ADGRL2: variants seen among roughly 807,000 people sequenced by gnomAD.
ADGRL2 encodes the protein calcium-independent alpha-latrotoxin receptor 2.
In ADGRL2, 44 loss-of-function variants were observed where a neutral mutation model predicts 157.4. The observed-to-expected ratio is 0.28, with a 90% CI of 0.22 to 0.36. The LOEUF (loss-of-function observed/expected upper bound fraction) is 0.36, where lower values mean the gene tolerates loss of function less well. Among genes scored for constraint, ADGRL2 ranks in the 10% least tolerant of loss-of-function variants. The pLI, the probability that ADGRL2 is intolerant of heterozygous loss-of-function variation, is 1.00. For missense variants in ADGRL2, 1,510 were observed against 1,768.9 expected (o/e 0.85, Z 2.63); for synonymous variants, 585 against 624.7 (o/e 0.94, Z 0.95).
intron 2 of ADGRL2, among the ~76,000 whole-genome samples, chr1:81,521,734 G>A (rs543633495): frequency 2.0e-5 from 3 of 152,274 alleles, no homozygotes; most frequent in African/African-American, 7.2e-5. Context: ...CCACACTTTA[G>A]TTAGGTGATT....
intron 1 of ADGRL2, among the ~76,000 whole-genome samples, chr1:81,330,197 A>G (rs1333492385): frequency 6.6e-6 from 1 of 152,130 alleles, no homozygotes; most frequent in African/African-American, 2.4e-5. Context: ...GATGACCAAA[A>G]GTACCTGAAA....
chr1:81,403,186 A>G (rs1047262207), intron 1 of ADGRL2, among the ~76,000 whole-genome samples: 2 of 152,154 alleles, frequency 1.3e-5, no homozygotes, highest in Non-Finnish European at 2.9e-5. Flanking sequence ...TAACAATAAA[A>G]AGAAAAAGGG....
At chr1:81,919,496 C>A (rs1044041514) in intron 3 of ADGRL2, among the ~76,000 whole-genome samples, 4 of 151,780 alleles carry the variant, frequency 2.6e-5, no homozygotes, top group African/African-American at 9.7e-5. Flanking sequence ...GTTACTTTTC[C>A]TTAGTAATGG....
At chr1:81,333,047 G>C (rs960085594) in intron 1 of ADGRL2, among the ~76,000 whole-genome samples, 1 of 152,074 alleles carries the variant, frequency 6.6e-6, no homozygotes, top group African/African-American at 2.4e-5. Context: ...TATAACTTTG[G>C]GCAAATCATG....
At chr1:81,517,491 G>GAATA (rs1383583561) in intron 2 of ADGRL2, among the ~76,000 whole-genome samples, 3 of 141,894 alleles carry the variant, frequency 2.1e-5, no homozygotes, top group East Asian at 2.1e-4. Flanking sequence ...AAAAAAAAAG[G>GAATA]ATGTCAAAAC....
At chr1:81,382,326 T>C (rs2076357678) in intron 1 of ADGRL2, among the ~76,000 whole-genome samples, 1 of 152,138 alleles carries the variant, frequency 6.6e-6, no homozygotes, top group Non-Finnish European at 1.5e-5. Context: ...TTTTTCAGTA[T>C]TCCATTATTA....
intron 11 of ADGRL2, among the ~76,000 whole-genome samples, chr1:81,961,653 A>G (rs985848200): frequency 2.0e-5 from 3 of 151,614 alleles, no homozygotes; most frequent in Non-Finnish European, 4.4e-5. Context: ...GACTACAGGC[A>G]TGCATCACTA....
intron 2 of ADGRL2, among the ~76,000 whole-genome samples, chr1:81,573,962 A>G (rs1275135381): frequency 6.6e-6 from 1 of 152,198 alleles, no homozygotes; most frequent in East Asian, 1.9e-4. Context: ...ATAGGAGACA[A>G]AGAAAGTTAA....
At chr1:81,847,627 T>C (rs1199561077) in intron 2 of ADGRL2, among the ~76,000 whole-genome samples, 1 of 151,876 alleles carries the variant, frequency 6.6e-6, no homozygotes. Flanking sequence ...ATATGCCTTC[T>C]ATTGACCTTT....
chr1:81,693,866 T>A (rs985346751), intron 3 of ADGRL2, among the ~76,000 whole-genome samples: 5 of 152,196 alleles, frequency 3.3e-5, no homozygotes, highest in African/African-American at 9.7e-5. Context: ...AGTTATTGAT[T>A]CATCCCACAA....
At chr1:81,647,916 G>T (rs1017943356) in intron 3 of ADGRL2, among the ~76,000 whole-genome samples, 6 of 152,154 alleles carry the variant, frequency 3.9e-5, no homozygotes, top group African/African-American at 1.4e-4. Context: ...CCAGAAGCAC[G>T]GCCCTGCTTT....
intron 1 of ADGRL2, among the ~76,000 whole-genome samples, chr1:81,341,924 A>C (rs1012223656): frequency 6.6e-6 from 1 of 152,160 alleles, no homozygotes; most frequent in Non-Finnish European, 1.5e-5. Flanking sequence ...TGTGAATTCC[A>C]ATGAAAACTA....
chr1:81,613,637 G>A (rs2081586705), intron 3 of ADGRL2, among the ~76,000 whole-genome samples: 1 of 152,210 alleles, frequency 6.6e-6, no homozygotes, highest in Non-Finnish European at 1.5e-5. Flanking sequence ...AGAAGCTTGG[G>A]TCAGATCCTA....
At chr1:81,763,275 T>G (rs1186676071) in intron 2 of ADGRL2, among the ~76,000 whole-genome samples, 2 of 151,692 alleles carry the variant, frequency 1.3e-5, no homozygotes, top group African/African-American at 2.4e-5. Context: ...TTGTGCCAAC[T>G]GGATAACCAA....
At chr1:81,944,568 GAAT>G (rs1310487301) in intron 6 of ADGRL2, among the ~76,000 whole-genome samples, 1 of 152,020 alleles carries the variant, frequency 6.6e-6, no homozygotes, top group Non-Finnish European at 1.5e-5. Context: ...CATGATGAAA[GAAT>G]AATTTGTTAA....
chr1:81,411,585 G>C (rs2076945262), intron 1 of ADGRL2, among the ~76,000 whole-genome samples: 2 of 152,150 alleles, frequency 1.3e-5, no homozygotes, highest in Admixed American at 1.3e-4. Flanking sequence ...CTCACTACTG[G>C]AAATAGTTTT....
intron 2 of ADGRL2, chr1:81,513,932 T>A (rs1570343391): frequency 6.6e-6 from 1 of 152,214 alleles, no homozygotes; most frequent in East Asian, 1.9e-4. Flanking sequence ...CTTCCTGTCA[T>A]CTTCTGTGAA....
At chr1:81,443,522 C>G (rs2077546836) in intron 1 of ADGRL2, among the ~76,000 whole-genome samples, 1 of 152,046 alleles carries the variant, frequency 6.6e-6, no homozygotes, top group Non-Finnish European at 1.5e-5. Flanking sequence ...AAGTCAGAGA[C>G]AGTGTCTGAT....
chr1:81,588,469 T>A (rs1408425), intron 3 of ADGRL2: 109,401 of 151,996 alleles, frequency 0.72, 39,658 homozygotes, highest in African/African-American at 0.78. Flanking sequence ...GATGAGTAAA[T>A]CAAACTGTAG....
Sources: gnomAD v4.1 joint callset for allele counts (sites outside exome capture counted in the v4.1 genomes callset) on GRCh38, gnomAD v4.1.1 for gene constraint, MANE v1.5 for transcripts, NCBI Gene and HGNC (gene_info 2026-07-23, HGNC 2026-07-21) for gene names.